TTC7B: variants seen among roughly 807,000 people sequenced by gnomAD.
The protein encoded by TTC7B is tetratricopeptide repeat protein 7B.
TTC7B carries 28 observed loss-of-function variants against 106.8 expected under a neutral mutation model. That is an observed-to-expected ratio of 0.26 (90% CI 0.19 to 0.36). TTC7B has a LOEUF of 0.36. Among genes scored for constraint, TTC7B ranks in the 10% least tolerant of loss-of-function variants. The pLI, the probability that TTC7B is intolerant of heterozygous loss-of-function variation, is 1.00. For synonymous variants in TTC7B, 405 were observed against 430.6 expected (o/e 0.94, Z 0.74); for missense variants, 862 against 1,076.4 (o/e 0.80, Z 2.79).
chr14:90,543,973 C>T (rs981177209), intron 19 of TTC7B, among the ~76,000 whole-genome samples: 9 of 152,230 alleles, frequency 5.9e-5, no homozygotes, highest in Non-Finnish European at 8.8e-5. Flanking sequence ...AACCTGGCTT[C>T]CATAAGCCCC....
chr14:90,616,528 G>T (rs1362018534), intron 16 of TTC7B, among the ~76,000 whole-genome samples: 2 of 151,434 alleles, frequency 1.3e-5, no homozygotes, highest in African/African-American at 4.9e-5. Flanking sequence ...GGTGGGGGCT[G>T]GGGCTGCCTG....
intron 1 of TTC7B, among the ~76,000 whole-genome samples, chr14:90,792,720 C>G (rs534839045): frequency 6.6e-6 from 1 of 152,258 alleles, no homozygotes; most frequent in African/African-American, 2.4e-5. Flanking sequence ...CAACACAATA[C>G]AGGCTCTAAT....
chr14:90,709,290 T>C (rs1888337590), intron 5 of TTC7B, among the ~76,000 whole-genome samples: 2 of 151,148 alleles, frequency 1.3e-5, no homozygotes, highest in Non-Finnish European at 3.0e-5. Flanking sequence ...CCAACCCAAA[T>C]GTCCAACAAT....
At chr14:90,814,876 T>C (rs527745530) in intron 1 of TTC7B, among the ~76,000 whole-genome samples, 103 of 149,866 alleles carry the variant, frequency 6.9e-4, no homozygotes, top group Admixed American at 8.6e-4. Flanking sequence ...GCTATCTCCA[T>C]GCCCCTGACA....
At chr14:90,739,088 C>T (rs1889659816) in intron 4 of TTC7B, among the ~76,000 whole-genome samples, 1 of 152,172 alleles carries the variant, frequency 6.6e-6, no homozygotes, top group African/African-American at 2.4e-5. Flanking sequence ...TTGCTCTTGC[C>T]TGGTATCCAG....
At chr14:90,658,099 C>A in intron 10 of TTC7B, 1 of 572,436 alleles carries the variant, frequency 1.7e-6, no homozygotes, top group South Asian at 2.1e-5. Context: ...ACAAATATTT[C>A]AGAATTTTTC....
At chr14:90,630,547 T>C (rs1884650170) in intron 15 of TTC7B, among the ~76,000 whole-genome samples, 1 of 152,242 alleles carries the variant, frequency 6.6e-6, no homozygotes, top group Non-Finnish European at 1.5e-5. Context: ...AGTGGCATTG[T>C]GTACATTCAC....
At chr14:90,560,351 A>ATGTTCAC (rs1337307301) in intron 19 of TTC7B, among the ~76,000 whole-genome samples, 1 of 152,232 alleles carries the variant, frequency 6.6e-6, no homozygotes, top group Admixed American at 6.5e-5. Flanking sequence ...GCTGCACTGC[A>ATGTTCAC]TGCAAGTGTG....
At chr14:90,615,695 G>A (rs559695362) in intron 16 of TTC7B, among the ~76,000 whole-genome samples, 1 of 152,312 alleles carries the variant, frequency 6.6e-6, no homozygotes. Context: ...CTCTTACCGA[G>A]CAGGCTGGCG....
chr14:90,776,144 C>CACACACACACACAT, intron 3 of TTC7B, among the ~76,000 whole-genome samples: 1 of 112,218 alleles, frequency 8.9e-6, no homozygotes, highest in African/African-American at 3.4e-5. Context: ...CCCCGTGACA[C>CACACACACACACAT]ACACACACAC....
At chr14:90,771,607 G>GA (rs552408260) in intron 3 of TTC7B, among the ~76,000 whole-genome samples, 3 of 151,482 alleles carry the variant, frequency 2.0e-5, no homozygotes, top group South Asian at 4.2e-4. Context: ...CTCAAAAAAA[G>GA]AAAAAAATCC....
chr14:90,766,650 T>C lies in TTC7B; in HGVS notation c.445+14088A>G, dbSNP rs61741694. ...CCATTAAGGGTGTGGGCCAAAGATA[T>C]GTTCATGTGGTGTTGAGGAAAGCAG... On this transcript the variant is annotated intron_variant, in intron 3 of 19. Coordinates refer to ENST00000328459, the MANE Select transcript of TTC7B (RefSeq NM_001010854.2). 378 of 1,201,880 alleles carry C rather than the reference T, an allele frequency of 3.1e-4. No individual in the cohort carries two copies. In the African/African-American group the frequency reaches 5.2e-3, roughly 17 times the overall value. The allele number at this position is 1,201,880 out of a possible 1,614,324, so 74.5% of individuals were successfully genotyped here.
intron 6 of TTC7B, among the ~76,000 whole-genome samples, chr14:90,691,944 A>G (rs1595286789): frequency 6.6e-6 from 1 of 152,206 alleles, no homozygotes; most frequent in South Asian, 2.1e-4. Flanking sequence ...TGGACATTTT[A>G]TATAAATTAA....
At position 90,794,287 on chromosome 14, in the gene TTC7B, C is replaced by T. The variant is rs570453887; in HGVS notation, c.122-7959G>A. 1.4e-3 allele frequency among the ~76,000 whole-genome samples: 192 copies of T among 140,084 alleles called. 1 individual carries two copies. The highest frequency in any genetic ancestry group is 4.2e-3 in the African/African-American group (148 of 35,494). The allele number at this position is 140,084 out of a possible 152,430, so 91.9% of individuals were successfully genotyped here. On this transcript the variant is annotated intron_variant, in intron 1 of 19. Coordinates refer to ENST00000328459, the MANE Select transcript of TTC7B (RefSeq NM_001010854.2). ...AGGCCGGAGTGCTGGAGTGCAGTGG[C>T]GCAATCTCGGCTCACTGCAACCTCC...
intron 1 of TTC7B, among the ~76,000 whole-genome samples, chr14:90,800,110 G>A (rs576976168): frequency 2.0e-5 from 3 of 152,184 alleles, no homozygotes; most frequent in South Asian, 4.1e-4. Context: ...GGGATTACAG[G>A]CGTGAGCCAC....
At chr14:90,798,731 A>AAAAAC (rs2030046803) in intron 1 of TTC7B, among the ~76,000 whole-genome samples, 1 of 150,548 alleles carries the variant, frequency 6.6e-6, no homozygotes, top group African/African-American at 2.4e-5. Flanking sequence ...AAAAAAAAAA[A>AAAAAC]ACACGCAATA....
intron 1 of TTC7B, 88 bp from the exon 2 acceptor site, chr14:90,786,416 C>T: frequency 6.6e-7 from 1 of 1,524,334 alleles, no homozygotes; most frequent in Non-Finnish European, 8.9e-7. Context: ...AACCACCACC[C>T]TCCGAGGCTC....
intron 5 of TTC7B, among the ~76,000 whole-genome samples, chr14:90,705,141 TC>T (rs1196420597): frequency 6.6e-6 from 1 of 152,194 alleles, no homozygotes; most frequent in Non-Finnish European, 1.5e-5. Context: ...CTGGGCTTCT[TC>T]AGGACAGAGA....
chr14:90,627,225 A>T (rs540705866), intron 15 of TTC7B, among the ~76,000 whole-genome samples: 14 of 152,148 alleles, frequency 9.2e-5, no homozygotes, highest in African/African-American at 3.4e-4. Context: ...GGCTCAAGAG[A>T]TCCTCCTACC....
Sources: gnomAD v4.1 joint callset for allele counts (sites outside exome capture counted in the v4.1 genomes callset) on GRCh38, gnomAD v4.1.1 for gene constraint, MANE v1.5 for transcripts, NCBI Gene and HGNC (gene_info 2026-07-23, HGNC 2026-07-21) for gene names.